Variants in NRAP observed in about 807,000 individuals in gnomAD.
NRAP encodes the protein nebulin related anchoring protein, also known as nebulin-related-anchoring protein.
Under a neutral mutation model 225.9 loss-of-function variants are expected in NRAP, and 189 were observed. That is an observed-to-expected ratio of 0.84 (90% CI 0.74 to 0.94). The LOEUF (loss-of-function observed/expected upper bound fraction) is 0.94. Ranked by LOEUF, NRAP falls within the 40% of genes least tolerant of loss-of-function variation. The probability of loss-of-function intolerance (pLI) is 0.00; values close to 1 mark genes in which losing one functional copy is unlikely to be tolerated. For missense variants in NRAP, 2,176 were observed against 2,168.7 expected (o/e 1.00, Z -0.07); for synonymous variants, 769 against 790.7 (o/e 0.97, Z 0.46).
chr10:113,601,617 A>G (rs1392451508), intron 35 of NRAP, among the ~76,000 whole-genome samples: 1 of 152,238 alleles, frequency 6.6e-6, no homozygotes, highest in African/African-American at 2.4e-5. Context: ...TCAGCATAAG[A>G]TTGCCAACTA....
At chr10:113,600,338 A>AT (rs139238791) in intron 35 of NRAP, among the ~76,000 whole-genome samples, 33,177 of 150,462 alleles carry the variant, frequency 0.22, 3,788 homozygotes, top group East Asian at 0.35. Flanking sequence ...CAACTGCCTC[A>AT]TTTTTTTTTA....
chr10:113,652,216 G>A (rs185536485), intron 6 of NRAP, among the ~76,000 whole-genome samples: 2 of 152,310 alleles, frequency 1.3e-5, no homozygotes, highest in African/African-American at 4.8e-5. Context: ...GAGAAATTAA[G>A]TAATTTGTCC....
At chr10:113,633,892 AC>A (rs1848710503) in intron 15 of NRAP, among the ~76,000 whole-genome samples, 1 of 152,200 alleles carries the variant, frequency 6.6e-6, no homozygotes, top group African/African-American at 2.4e-5. Context: ...AAGATGGGTG[AC>A]AGGTACATGG....
intron 14 of NRAP, among the ~76,000 whole-genome samples, chr10:113,637,690 G>A (rs1848956723): frequency 1.3e-5 from 2 of 152,228 alleles, no homozygotes; most frequent in South Asian, 2.1e-4. Context: ...TTGGGAGGCC[G>A]AGGCAGGCGG....
chr10:113,652,900 C>T (rs1200204022), intron 6 of NRAP, 35 bp downstream of exon 6: 3 of 1,435,336 alleles, frequency 2.1e-6, no homozygotes, highest in South Asian at 2.3e-5. Flanking sequence ...CAAAAATTAG[C>T]ATAATCAATG....
chr10:113,611,729 A>G (rs1847334913), intron 30 of NRAP, among the ~76,000 whole-genome samples: 1 of 152,202 alleles, frequency 6.6e-6, no homozygotes, highest in Non-Finnish European at 1.5e-5. Flanking sequence ...AGCCCTCCTC[A>G]GAAGGCGGGT....
chr10:113,648,465 CTCTATATATA>C (rs1294530003), intron 9 of NRAP, among the ~76,000 whole-genome samples: 126 of 105,278 alleles, frequency 1.2e-3, no homozygotes, highest in African/African-American at 4.3e-3. Context: ...CTCTCTCTCT[CTCTATATATA>C]TATATATATA....
At chr10:113,656,337 C>T (rs554182819) in intron 4 of NRAP, among the ~76,000 whole-genome samples, 1 of 152,322 alleles carries the variant, frequency 6.6e-6, no homozygotes, top group South Asian at 2.1e-4. Context: ...GGTGTCCTGC[C>T]TTTCCAGATG....
At position 113,590,622 on chromosome 10, in the gene NRAP, G is replaced by T. The variant is rs754264336; in HGVS notation, c.4912C>A (p.Leu1638Met). The change falls in exon 40 of 42, where the codon CTG becomes ATG. Residue 1638 changes from leucine to methionine, a missense_variant. Leu to Met is a conservative substitution (Grantham distance 15). This residue lies in a region of NRAP where 445 missense variants were observed against 426.1 expected (regional missense o/e 1.04). Coordinates refer to ENST00000359988, the MANE Select transcript of NRAP (RefSeq NM_198060.4). ...LPQPTCDPEQLGLRHAQKAHQ... is the reference protein window; with the variant it reads ...LPQPTCDPEQMGLRHAQKAHQ... ...GCCTTCTGAGCATGCCTGAGGCCCA[G>T]CTGCTCCGGGTCGCAGGTGGGCTGG... 1 of 1,613,726 alleles carries T rather than the reference G, an allele frequency of 6.2e-7. No homozygotes were observed. Among genetic ancestry groups the T allele is most frequent in the South Asian group, 1.1e-5 (1 of 91,074 alleles).
chr10:113,610,162 C>A (rs56009834), intron 31 of NRAP, among the ~76,000 whole-genome samples: 13,767 of 151,906 alleles, frequency 0.091, 819 homozygotes, highest in East Asian at 0.24. Context: ...CCAGCCTGGC[C>A]AACATGGTGA....
rs368367095 is a variant in NRAP at position 113,606,221 on chromosome 10, G to C, written c.3764C>G (p.Pro1255Arg). The change falls in exon 33 of 42, where the codon CCC (proline) becomes CGC (arginine). Residue 1255 changes from proline (P) to arginine (R), a missense_variant. Around this residue, in one of 3 missense-constraint regions of NRAP, gnomAD observed 1,708 missense variants for 1,695.5 expected, o/e 1.01. Coordinates refer to ENST00000359988, the MANE Select transcript of NRAP (RefSeq NM_198060.4). Reference sequence around the variant, plus strand: ...ATTCGTTTTTGCTCGGATGAACTCGGGCAGACCCAGGGTCATTGTATACTC... The same window carrying C: ...ATTCGTTTTTGCTCGGATGAACTCGCGCAGACCCAGGGTCATTGTATACTC... ...RHEYTMTLGL[P>R]EFIRAKTNAA... The C allele has an allele frequency of 2.2e-5, 35 of 1,614,002 alleles. No individual in the cohort carries two copies. The highest frequency in any genetic ancestry group is 8.5e-7 in the Non-Finnish European group (1 of 1,180,008).
At chr10:113,592,936 T>C (rs1846077607) in intron 38 of NRAP, among the ~76,000 whole-genome samples, 2 of 152,206 alleles carry the variant, frequency 1.3e-5, no homozygotes, top group African/African-American at 4.8e-5. Flanking sequence ...TTTTTTCCCT[T>C]TTCAAGTTGT....
chr10:113,599,181 C>T (rs1386755550), intron 35 of NRAP, among the ~76,000 whole-genome samples: 1 of 152,198 alleles, frequency 6.6e-6, no homozygotes, highest in East Asian at 1.9e-4. Flanking sequence ...CTTTTTAGTT[C>T]TCTTTCATTT....
intron 36 of NRAP, 40 bp from the exon 37 acceptor site, chr10:113,597,224 A>C (rs1419939734): frequency 3.2e-6 from 4 of 1,243,790 alleles, no homozygotes; most frequent in Middle Eastern, 1.9e-4. Context: ...AACACAGTCC[A>C]ACATCATGCA....
chr10:113,597,630 GA>G (rs1409846638), intron 36 of NRAP, among the ~76,000 whole-genome samples: 1 of 152,214 alleles, frequency 6.6e-6, no homozygotes, highest in African/African-American at 2.4e-5. Flanking sequence ...AACACTATCA[GA>G]AATCAGAAAA....
At position 113,663,383 on chromosome 10, in the gene NRAP, C is replaced by A. The variant is rs190472894; in HGVS notation, c.136G>T (p.Val46Leu). ...CKMMLSVNNF[V>L]SHQKKPYCHA... is the part of the protein sequence containing the mutation. ...CAGTACGGCTTTTTCTGGTGACTCA[C>A]AAAGTTATTAACAGACAGCATCATC... Residue 46 changes from valine to leucine, a missense_variant, in exon 2 of 42, where the codon GTG (valine) becomes TTG (leucine). Val to Leu is a conservative substitution (Grantham distance 32). Transcript: ENST00000359988. 1.7e-4 allele frequency: 280 copies of A among 1,613,086 alleles called. 3 individuals are homozygous for A. In the East Asian group the frequency reaches 6.2e-3, roughly 36 times the overall value.
Position 113,629,718 on chromosome 10 carries a change from A to G in NRAP, c.1910T>C (p.Ile637Thr). 1 of 1,613,928 alleles carries G rather than the reference A, an allele frequency of 6.2e-7. No homozygotes were observed. The highest frequency in any genetic ancestry group is 1.1e-5 in the South Asian group (1 of 91,074). The stretch of plus-strand genomic sequence containing the variant: ...AGTTTGGGCCTTCTTAGCATGCCTG[A>G]TGTTTACCATATCCATGGGCAGGTG... The part of the protein sequence containing the change: ...RFHLPMDMVN[I>T]RHAKKAQTLA... The change falls in exon 19 of 42, where the codon ATC (isoleucine) becomes ACC (threonine). Residue 637 changes from isoleucine to threonine, a missense_variant. Ile to Thr is a moderately conservative substitution (Grantham distance 89). Around this residue, in one of 3 missense-constraint regions of NRAP, gnomAD observed 1,708 missense variants for 1,695.5 expected, o/e 1.01. Transcript: ENST00000359988.
At chr10:113,594,168 T>C (rs533767066) in intron 38 of NRAP, among the ~76,000 whole-genome samples, 1 of 152,340 alleles carries the variant, frequency 6.6e-6, no homozygotes, top group African/African-American at 2.4e-5. Flanking sequence ...TTAGAGTCAT[T>C]TGATTTTTAG....
chr10:113,595,534 C>CT lies in NRAP; in HGVS notation c.4536+88dup, dbSNP rs532068846. On this transcript the variant is annotated intron_variant, in intron 38 of 41. Coordinates refer to ENST00000359988, the MANE Select transcript of NRAP (RefSeq NM_198060.4). The stretch of plus-strand genomic sequence containing the variant: ...CTGTTCCAAGTCCTCCTTCCTAGAA[C>CT]TTTTTTTTTTAAAAAAACGAAATCC... 3,020 of 714,796 alleles carry CT rather than the reference C, an allele frequency of 4.2e-3. 4 individuals carry two copies. The highest frequency in any genetic ancestry group is 0.015 in the East Asian group (545 of 35,992). 44.3% of individuals were successfully genotyped at this position (714,796 alleles called of 1,614,324 possible).
Sources: allele counts gnomAD v4.1 joint callset (sites outside exome capture counted in the v4.1 genomes callset), GRCh38; gene constraint gnomAD v4.1.1; regional missense constraint gnomAD v4.1.1; transcripts MANE v1.5; gene names NCBI Gene and HGNC (gene_info 2026-07-23, HGNC 2026-07-21).